The following PLCG2 variants were observed in gnomAD, a reference collection of about 807,000 sequenced individuals.
PLCG2 encodes 1-phosphatidylinositol 4,5-bisphosphate phosphodiesterase gamma-2.
Under a neutral mutation model 175.6 loss-of-function variants are expected in PLCG2, and 69 were observed. That is an observed-to-expected ratio of 0.39 (90% CI 0.32 to 0.48). The LOEUF (loss-of-function observed/expected upper bound fraction) is 0.48. Among genes scored for constraint, PLCG2 ranks in the 20% least tolerant of loss-of-function variants. The pLI is 0.91. For missense variants in PLCG2, 1,798 were observed against 1,650.9 expected (o/e 1.09, Z -1.54); for synonymous variants, 827 against 624.0 (o/e 1.33, Z -4.85).
At chr16:81,765,492 G>A (rs557603015) in intron 2 of PLCG2, among the ~76,000 whole-genome samples, 38 of 152,230 alleles carry the variant, frequency 2.5e-4, no homozygotes, top group African/African-American at 5.1e-4. Flanking sequence ...TTAGCTGGGC[G>A]TCATGATGGG....
At chr16:81,931,183 C>T (rs1309392226) in intron 24 of PLCG2, 2 of 187,198 alleles carry the variant, frequency 1.1e-5, no homozygotes, top group Non-Finnish European at 2.2e-5. Context: ...GTTGGAATTG[C>T]CCTAAATCCA....
intron 24 of PLCG2, 151 bp from the exon 25 acceptor site, chr16:81,931,346 C>G (rs545190697): frequency 1.6e-6 from 1 of 634,094 alleles, no homozygotes; most frequent in African/African-American, 1.8e-5. Context: ...GTGTACTTAC[C>G]CCGATGGAAA....
chr16:81,862,540 T>A (rs1430541754), intron 5 of PLCG2, among the ~76,000 whole-genome samples: 1 of 152,178 alleles, frequency 6.6e-6, no homozygotes, highest in Non-Finnish European at 1.5e-5. Context: ...CTTTCCCCAC[T>A]GGTGTTGCTT....
chr16:81,761,952 T>C (rs979514413), intron 2 of PLCG2, among the ~76,000 whole-genome samples: 1 of 151,702 alleles, frequency 6.6e-6, no homozygotes, highest in African/African-American at 2.4e-5. Context: ...CTGCCTCAGT[T>C]TCCCAAGTAG....
rs372619063 is a variant in PLCG2, at chr16:81,869,314, C to T, written c.564+16C>T. ...TAAGTTTGTGGTAAGTTTCATGGCT[C>T]AGCCTGGGAATTTTATGAATGCGGA... On this transcript the variant is annotated intron_variant, in intron 6 of 32. Transcript: ENST00000564138. The T allele has an allele frequency of 7.6e-6, 12 of 1,582,194 alleles. No homozygotes were observed. The highest frequency in any genetic ancestry group is 9.6e-6 in the Non-Finnish European group (11 of 1,150,874).
At chr16:81,823,905 T>C in intron 2 of PLCG2, among the ~76,000 whole-genome samples, 1 of 151,210 alleles carries the variant, frequency 6.6e-6, no homozygotes, top group Non-Finnish European at 1.5e-5. Flanking sequence ...CTCCCTTCCT[T>C]CCTTTCCTTC....
At chr16:81,835,560 C>T (rs952981918) in intron 2 of PLCG2, among the ~76,000 whole-genome samples, 1 of 151,762 alleles carries the variant, frequency 6.6e-6, no homozygotes, top group Admixed American at 6.6e-5. Context: ...GCCTGGGCGA[C>T]AGAGCAAGAC....
chr16:81,761,564 T>C (rs1281276356), intron 2 of PLCG2, among the ~76,000 whole-genome samples: 1 of 152,188 alleles, frequency 6.6e-6, no homozygotes, highest in Admixed American at 6.5e-5. Flanking sequence ...AACTTGACCA[T>C]GGCTCGAACT....
chr16:81,865,688 C>T lies in PLCG2; in HGVS notation c.480-3526C>T, dbSNP rs186261892. 2.7e-3 allele frequency among the ~76,000 whole-genome samples: 418 copies of T among 152,210 alleles called. 2 individuals are homozygous for T. The highest frequency in any genetic ancestry group is 9.3e-3 in the African/African-American group (387 of 41,518). On this transcript the variant is annotated intron_variant, in intron 5 of 32. Transcript: ENST00000564138. ...TTCCTTGCTCCCAGGATGGGCTCCACTGGGGCACCAGCATGAGAGGACGCT... is the reference window on the plus strand; with the variant it reads ...TTCCTTGCTCCCAGGATGGGCTCCATTGGGGCACCAGCATGAGAGGACGCT...
At chr16:81,956,018 C>T (rs1911553023) in intron 31 of PLCG2, among the ~76,000 whole-genome samples, 1 of 152,130 alleles carries the variant, frequency 6.6e-6, no homozygotes, top group African/African-American at 2.4e-5. Flanking sequence ...AGAACATTTC[C>T]AACACCCAAA....
chr16:81,742,606 T>C (rs1909619454), intron 1 of PLCG2, among the ~76,000 whole-genome samples: 1 of 152,198 alleles, frequency 6.6e-6, no homozygotes, highest in Non-Finnish European at 1.5e-5. Context: ...TAGTATGTGC[T>C]GGGAACTGGG....
intron 20 of PLCG2, among the ~76,000 whole-genome samples, chr16:81,920,707 C>T (rs1004801750): frequency 2.6e-5 from 4 of 152,074 alleles, no homozygotes; most frequent in Non-Finnish European, 5.9e-5. Flanking sequence ...GGGGGTGGAT[C>T]TTGTCAGTGG....
At chr16:81,846,783 A>C (rs1057042184) in intron 2 of PLCG2, among the ~76,000 whole-genome samples, 6 of 152,218 alleles carry the variant, frequency 3.9e-5, no homozygotes, top group Non-Finnish European at 8.8e-5. Context: ...TTCACATTCA[A>C]TACAGCACGA....
At chr16:81,869,333 A>T in intron 6 of PLCG2, 35 bp downstream of exon 6, 1 of 1,437,218 alleles carries the variant, frequency 7.0e-7, no homozygotes, top group Non-Finnish European at 9.8e-7. Flanking sequence ...AATTTTATGA[A>T]TGCGGAGTGA....
chr16:81,928,469 A>G (rs1160757040), intron 23 of PLCG2, 89 bp from the exon 24 acceptor site: 4 of 826,346 alleles, frequency 4.8e-6, no homozygotes, highest in Middle Eastern at 4.5e-4. Context: ...CACAGGCAGT[A>G]TCTCTGCTAA....
Position 81,908,496 on chromosome 16 carries a change from G to A in PLCG2, c.1638G>A (p.Leu546=). ...KVEKRTSAEK[L]LQEYCMETGG... is the part of the protein sequence containing the mutation. ...AGAAGAGGACGAGTGCCGAGAAGTT[G>A]CTGCAGGAATACTGCATGGAGACGG... Residue 546 remains leucine (L), a synonymous_variant, in exon 17 of 33, where the codon TTG becomes TTA. Transcript: ENST00000564138. 6.2e-7 allele frequency: 1 copy of A among 1,614,114 alleles called. No homozygotes were observed. Among genetic ancestry groups the A allele is most frequent in the Non-Finnish European group, 8.5e-7 (1 of 1,179,996 alleles).
chr16:81,918,618 T>C (rs1261375740), intron 19 of PLCG2, among the ~76,000 whole-genome samples: 2 of 152,248 alleles, frequency 1.3e-5, no homozygotes, highest in Non-Finnish European at 2.9e-5. Context: ...TGTCTGTTTT[T>C]ATGCCACTGT....
intron 2 of PLCG2, among the ~76,000 whole-genome samples, chr16:81,823,456 C>T (rs1346279250): frequency 6.6e-6 from 1 of 152,204 alleles, no homozygotes; most frequent in Non-Finnish European, 1.5e-5. Context: ...GCTGCACTGT[C>T]TGATCTCTGA....
chr16:81,748,154 C>T (rs1366966601), intron 1 of PLCG2, among the ~76,000 whole-genome samples: 1 of 152,168 alleles, frequency 6.6e-6, no homozygotes, highest in African/African-American at 2.4e-5. Flanking sequence ...GGATTGCAAG[C>T]CTGCGCCACC....
Sources: allele counts gnomAD v4.1 joint callset (sites outside exome capture counted in the v4.1 genomes callset), GRCh38; gene constraint gnomAD v4.1.1; transcripts MANE v1.5; gene names NCBI Gene and HGNC (gene_info 2026-07-23, HGNC 2026-07-21).